Variants in ALPK2 observed in about 807,000 individuals in gnomAD.
The protein encoded by ALPK2 is alpha-protein kinase 2.
A neutral mutation model predicts 163.1 loss-of-function variants in ALPK2; 127 were observed. The ratio of observed to expected loss-of-function variants is 0.78; its 90% confidence interval spans 0.67 to 0.90. The LOEUF is 0.90. Ranked by LOEUF, ALPK2 falls within the 40% of genes least tolerant of loss-of-function variation. The pLI is 0.00. For missense variants in ALPK2, 2,360 were observed against 2,589.6 expected (o/e 0.91, Z 1.92); for synonymous variants, 953 against 959.1 (o/e 0.99, Z 0.12).
intron 3 of ALPK2, among the ~76,000 whole-genome samples, chr18:58,595,248 C>T (rs1300413346): frequency 6.6e-6 from 1 of 152,164 alleles, no homozygotes; most frequent in Non-Finnish European, 1.5e-5. Flanking sequence ...TTCACCTGAC[C>T]CATTACATAG....
intron 4 of ALPK2, among the ~76,000 whole-genome samples, chr18:58,573,613 C>CTATTTTTTTTTTTTTT (rs2051902449): frequency 1.9e-5 from 1 of 51,730 alleles, no homozygotes; most frequent in East Asian, 9.5e-4. Flanking sequence ...TTTTTGTCTT[C>CTATTTTTTTTTTTTTT]TTTTTTTTTT....
chr18:58,538,320 G>A lies in ALPK2; in HGVS notation c.1963-96C>T, dbSNP rs566566232. The A allele has an allele frequency of 3.9e-4, 403 of 1,025,380 alleles. 12 individuals carry two copies. In the South Asian group the frequency reaches 4.9e-3, roughly 13 times the overall value. 63.5% of individuals were successfully genotyped at this position (1,025,380 alleles called of 1,614,324 possible). On this transcript the variant is annotated intron_variant, in intron 4 of 12. Transcript: ENST00000361673. ...CCAAGAGTGTTAATCCTCAATGACCGTAATAATGGACAAGAATGATTGAAA... is the reference window on the plus strand; with the variant it reads ...CCAAGAGTGTTAATCCTCAATGACCATAATAATGGACAAGAATGATTGAAA...
chr18:58,584,339 C>T (rs1303708442), intron 3 of ALPK2, among the ~76,000 whole-genome samples: 1 of 152,164 alleles, frequency 6.6e-6, no homozygotes, highest in Non-Finnish European at 1.5e-5. Flanking sequence ...GCAAGGAAGC[C>T]AGCATCTGCT....
At chr18:58,595,380 A>T (rs1233439588) in intron 3 of ALPK2, among the ~76,000 whole-genome samples, 1 of 152,192 alleles carries the variant, frequency 6.6e-6, no homozygotes, top group African/African-American at 2.4e-5. Flanking sequence ...TAGGCCCTCC[A>T]TGAATCCTTA....
At chr18:58,505,731 C>G (rs2051458579) in intron 10 of ALPK2, among the ~76,000 whole-genome samples, 1 of 152,188 alleles carries the variant, frequency 6.6e-6, no homozygotes, top group Non-Finnish European at 1.5e-5. Flanking sequence ...CCCTCCCATT[C>G]TCTCTTAAGC....
chr18:58,545,001 A>T (rs1305908466), intron 4 of ALPK2: 3 of 152,198 alleles, frequency 2.0e-5, no homozygotes, highest in African/African-American at 7.2e-5. Context: ...TAAGGTATAG[A>T]CATGGTGGGT....
intron 10 of ALPK2, among the ~76,000 whole-genome samples, chr18:58,507,516 G>A (rs1370587408): frequency 1.3e-5 from 2 of 152,166 alleles, no homozygotes; most frequent in African/African-American, 4.8e-5. Flanking sequence ...CCCTTGAATA[G>A]CGCTAGGACA....
chr18:58,517,565 A>C (rs980351976), intron 8 of ALPK2, among the ~76,000 whole-genome samples: 9 of 152,170 alleles, frequency 5.9e-5, no homozygotes, highest in Non-Finnish European at 1.2e-4. Context: ...ATAATATCGG[A>C]CCAACCTTTC....
rs564642278 is a variant in ALPK2, at chr18:58,601,838, G to A, written c.227+5484C>T. Among the ~76,000 whole-genome samples the A allele has an allele frequency of 7.9e-5, 12 of 152,292 alleles. No individual in the cohort carries two copies. In the East Asian group the frequency reaches 1.9e-3, roughly 24 times the overall value. On this transcript the variant is annotated intron_variant, in intron 3 of 12. Transcript: ENST00000361673. The stretch of plus-strand genomic sequence containing the variant: ...GATAACTAAGAAACTGCTGCTCTAC[G>A]AGAGCACACCAGTTTTGTGATAGTT...
chr18:58,579,678 G>C lies in ALPK2; in HGVS notation c.1098C>G (p.Phe366Leu). The change falls in exon 4 of 13, where the codon TTC becomes TTG. Residue 366 changes from phenylalanine to leucine, a missense_variant. Phe to Leu is a conservative substitution (Grantham distance 22). Coordinates refer to ENST00000361673, the MANE Select transcript of ALPK2 (RefSeq NM_052947.4). ...LLESDDEEME[F>L]GEHCLGGCEH... ...CACACCCACCCAGGCAATGCTCACC[G>C]AATTCCATCTCTTCGTCATCGCTTT... 6.2e-7 allele frequency: 1 copy of C among 1,613,918 alleles called. No individual in the cohort carries two copies. Among genetic ancestry groups the C allele is most frequent in the South Asian group, 1.1e-5 (1 of 91,060 alleles).
Position 58,579,190 on chromosome 18 carries a change from C to G in ALPK2, c.1586G>C (p.Arg529Thr), listed in dbSNP as rs373512950. 6.2e-7 allele frequency: 1 copy of G among 1,614,108 alleles called. No individual in the cohort carries two copies. The highest frequency in any genetic ancestry group is 8.5e-7 in the Non-Finnish European group (1 of 1,179,998). ...RVGGKDLWSKRGSRKSARVRQ... is the reference protein window; with the variant it reads ...RVGGKDLWSKTGSRKSARVRQ... Reference sequence around the variant, plus strand: ...CACCCTGGCAGATTTCCTTGAACCCCTCTTGCTCCATAAGTCCTTTCCCCC... The same window carrying G: ...CACCCTGGCAGATTTCCTTGAACCCGTCTTGCTCCATAAGTCCTTTCCCCC... Residue 529 changes from arginine (R) to threonine (T), a missense_variant, in exon 4 of 13, where the codon AGG becomes ACG. Transcript: ENST00000361673.
intron 4 of ALPK2, among the ~76,000 whole-genome samples, chr18:58,556,748 G>T (rs911054864): frequency 1.3e-5 from 2 of 152,170 alleles, no homozygotes; most frequent in African/African-American, 4.8e-5. Context: ...GCACTGTCCT[G>T]TATGAACCTA....
intron 3 of ALPK2, among the ~76,000 whole-genome samples, chr18:58,582,832 C>T (rs1331771464): frequency 6.6e-5 from 10 of 151,962 alleles, no homozygotes; most frequent in Admixed American, 6.6e-4. Flanking sequence ...AGGTAGATTC[C>T]AAGATTTTCT....
intron 3 of ALPK2, among the ~76,000 whole-genome samples, chr18:58,581,348 A>G (rs1366743789): frequency 6.6e-6 from 1 of 152,206 alleles, no homozygotes; most frequent in Non-Finnish European, 1.5e-5. Flanking sequence ...TATGAAGGAC[A>G]GTGCTGTTTC....
chr18:58,537,685 T>C lies in ALPK2; in HGVS notation c.2502A>G (p.Glu834=). 1 of 1,614,094 alleles carries C rather than the reference T, an allele frequency of 6.2e-7. No individual in the cohort carries two copies. The highest frequency in any genetic ancestry group is 8.5e-7 in the Non-Finnish European group (1 of 1,179,962). Residue 834 remains glutamate (E), a synonymous_variant, in exon 5 of 13, where the codon GAA becomes GAG. Transcript: ENST00000361673. The part of the protein sequence containing the change: ...GRPVDKYSPQ[E]ICSVDTELAE... ...CCAGTTCCGTATCTACAGAGCAAAT[T>C]TCTTGAGGCGAATATTTATCAACTG...
chr18:58,483,465 CT>C (rs961535030), intron 12 of ALPK2, among the ~76,000 whole-genome samples: 4 of 152,196 alleles, frequency 2.6e-5, no homozygotes, highest in South Asian at 2.1e-4. Flanking sequence ...CCAAAAGTTT[CT>C]GCCTGCAGTA....
intron 4 of ALPK2, among the ~76,000 whole-genome samples, chr18:58,562,193 G>T (rs917469258): frequency 6.6e-6 from 1 of 152,148 alleles, no homozygotes; most frequent in Non-Finnish European, 1.5e-5. Flanking sequence ...CCAAATGTTG[G>T]ACATTAATAT....
chr18:58,565,347 G>A (rs2051846207), intron 4 of ALPK2, among the ~76,000 whole-genome samples: 1 of 151,772 alleles, frequency 6.6e-6, no homozygotes, highest in African/African-American at 2.4e-5. Flanking sequence ...AAGAGATTTT[G>A]CCAAATTAAT....
chr18:58,501,584 A>T (rs2051431622), intron 11 of ALPK2, among the ~76,000 whole-genome samples: 1 of 152,222 alleles, frequency 6.6e-6, no homozygotes, highest in Non-Finnish European at 1.5e-5. Context: ...AAAGGTCTGG[A>T]AGTAAATATC....
Sources: gnomAD v4.1 joint callset for allele counts (sites outside exome capture counted in the v4.1 genomes callset) on GRCh38, gnomAD v4.1.1 for gene constraint, MANE v1.5 for transcripts, NCBI Gene and HGNC (gene_info 2026-07-23, HGNC 2026-07-21) for gene names.